Variants in CSRNP3 observed in about 807,000 individuals in gnomAD.
CSRNP3 encodes cysteine and serine rich nuclear protein 3, also known as cysteine/serine-rich nuclear protein 3.
CSRNP3 carries 12 observed loss-of-function variants against 48.0 expected under a neutral mutation model. That is an observed-to-expected ratio of 0.25 (90% CI 0.16 to 0.41). CSRNP3 has a LOEUF of 0.41. Among genes scored for constraint, CSRNP3 ranks in the 10% least tolerant of loss-of-function variants. The pLI, the probability that CSRNP3 is intolerant of heterozygous loss-of-function variation, is 1.00. For synonymous variants in CSRNP3, 263 were observed against 269.7 expected, an observed-to-expected ratio of 0.98 and a Z score of 0.24; for missense variants, 580 against 724.4, an observed-to-expected ratio of 0.80 and a Z score of 2.29.
At chr2:165,608,066 C>T (rs1686060877) in intron 4 of CSRNP3, among the ~76,000 whole-genome samples, 2 of 150,170 alleles carry the variant, frequency 1.3e-5, no homozygotes, top group African/African-American at 4.9e-5. Flanking sequence ...CTATTATTTA[C>T]CCACGTATAT....
At position 165,550,195 on chromosome 2, in the gene CSRNP3, G is replaced by T. The variant is rs529397354; in HGVS notation, c.-24+32234G>T. On this transcript the variant is annotated intron_variant, in intron 3 of 6. Coordinates refer to ENST00000651982, the MANE Select transcript of CSRNP3 (RefSeq NM_001172173.2). Reference sequence around the variant, plus strand: ...TCCATCACATTTTTAAATGACAATGGCAATGCATGAACAAAAAGATTTTAA... The same window carrying T: ...TCCATCACATTTTTAAATGACAATGTCAATGCATGAACAAAAAGATTTTAA... Among the ~76,000 whole-genome samples the T allele has an allele frequency of 2.6e-5, 4 of 152,224 alleles. No homozygotes were observed. The East Asian group carries it at 7.7e-4, about 29-fold the overall frequency.
intron 3 of CSRNP3, among the ~76,000 whole-genome samples, chr2:165,520,765 ATATAT>A (rs1228730783): frequency 3.8e-5 from 2 of 51,954 alleles, no homozygotes; most frequent in Admixed American, 5.3e-4. Flanking sequence ...ATATATAGAA[ATATAT>A]TATATATATA....
At chr2:165,623,710 C>T (rs896513712) in intron 4 of CSRNP3, among the ~76,000 whole-genome samples, 11 of 152,182 alleles carry the variant, frequency 7.2e-5, no homozygotes, top group African/African-American at 2.7e-4. Context: ...CCCTAGGCAG[C>T]AACATCTACA....
chr2:165,609,575 C>T (rs1038362433), intron 4 of CSRNP3, among the ~76,000 whole-genome samples: 1 of 148,454 alleles, frequency 6.7e-6, no homozygotes, highest in Non-Finnish European at 1.5e-5. Context: ...GCCTTATAAG[C>T]TAAAATGAGT....
intron 4 of CSRNP3, among the ~76,000 whole-genome samples, chr2:165,608,520 C>A (rs1686068619): frequency 6.6e-6 from 1 of 152,166 alleles, no homozygotes; most frequent in Non-Finnish European, 1.5e-5. Context: ...AACAGATAGT[C>A]ATCTGATATC....
At chr2:165,658,237 A>C (rs1687039342) in intron 5 of CSRNP3, among the ~76,000 whole-genome samples, 1 of 152,052 alleles carries the variant, frequency 6.6e-6, no homozygotes, top group Non-Finnish European at 1.5e-5. Flanking sequence ...ACCAATATTT[A>C]CTATTGAATA....
intron 5 of CSRNP3, among the ~76,000 whole-genome samples, chr2:165,673,154 T>TTTTTC: frequency 2.7e-5 from 4 of 146,978 alleles, no homozygotes; most frequent in Non-Finnish European, 6.0e-5. Flanking sequence ...TTTTTTTTTT[T>TTTTTC]TGAGACAGGG....
chr2:165,595,490 C>T (rs1421658962), intron 4 of CSRNP3, among the ~76,000 whole-genome samples: 1 of 151,968 alleles, frequency 6.6e-6, no homozygotes, highest in Admixed American at 6.6e-5. Context: ...ACACCTAGTA[C>T]TCTGGGAATA....
At chr2:165,665,408 C>T (rs1344248490) in intron 5 of CSRNP3, among the ~76,000 whole-genome samples, 1 of 152,118 alleles carries the variant, frequency 6.6e-6, no homozygotes, top group African/African-American at 2.4e-5. Context: ...ATAAGAAATT[C>T]TGTCAGAGTG....
intron 4 of CSRNP3, among the ~76,000 whole-genome samples, chr2:165,607,730 T>C (rs1304306218): frequency 6.6e-6 from 1 of 152,154 alleles, no homozygotes; most frequent in Non-Finnish European, 1.5e-5. Flanking sequence ...CCCTAGTGCA[T>C]CAGTTGAACT....
In CSRNP3 at chr2:165,686,545, A is replaced by T. The variant is rs1687634117; in HGVS notation, c.*6792A>T. On this transcript the variant is annotated 3_prime_UTR_variant, in exon 7 of 7. Coordinates refer to ENST00000651982, the MANE Select transcript of CSRNP3 (RefSeq NM_001172173.2). Reference sequence around the variant, plus strand: ...TAAAATCTAAATCTCAATTACCCTAAAGTGGAAAAACCTAAGTATCTAACC... The same window carrying T: ...TAAAATCTAAATCTCAATTACCCTATAGTGGAAAAACCTAAGTATCTAACC... 6.6e-6 allele frequency: 1 copy of T among 152,106 alleles called. No homozygotes were observed. The highest frequency in any genetic ancestry group is 1.5e-5 in the Non-Finnish European group (1 of 67,986). 9.4% of individuals were successfully genotyped at this position (152,106 alleles called of 1,614,324 possible). A position where few individuals can be genotyped will look rare whatever the true frequency, so the allele number is the denominator to read the frequency against.
intron 3 of CSRNP3, among the ~76,000 whole-genome samples, chr2:165,534,360 A>G (rs1456344578): frequency 1.3e-5 from 2 of 151,996 alleles, no homozygotes; most frequent in Non-Finnish European, 2.9e-5. Flanking sequence ...GAAAGTTGCT[A>G]TTGAATGAGT....
At chr2:165,668,846 T>C (rs1210536766) in intron 5 of CSRNP3, among the ~76,000 whole-genome samples, 1 of 152,224 alleles carries the variant, frequency 6.6e-6, no homozygotes, top group African/African-American at 2.4e-5. Context: ...CTACCATTGC[T>C]CTTAAGAATT....
chr2:165,658,369 A>G (rs1687042159), intron 5 of CSRNP3, among the ~76,000 whole-genome samples: 1 of 152,218 alleles, frequency 6.6e-6, no homozygotes, highest in South Asian at 2.1e-4. Context: ...AAAGTGCTAA[A>G]CAAAATAAAA....
chr2:165,617,629 T>C (rs1484062484), intron 4 of CSRNP3, among the ~76,000 whole-genome samples: 2 of 152,186 alleles, frequency 1.3e-5, no homozygotes, highest in Non-Finnish European at 2.9e-5. Flanking sequence ...GCACTAGCAG[T>C]GGTTATAGCA....
At chr2:165,642,050 A>G (rs1686729615) in intron 4 of CSRNP3, among the ~76,000 whole-genome samples, 1 of 151,692 alleles carries the variant, frequency 6.6e-6, no homozygotes, top group Non-Finnish European at 1.5e-5. Context: ...ACAAACATAG[A>G]CTCTTTGGGA....
At chr2:165,622,691 A>T (rs953434025) in intron 4 of CSRNP3, among the ~76,000 whole-genome samples, 1 of 152,226 alleles carries the variant, frequency 6.6e-6, no homozygotes, top group South Asian at 2.1e-4. Flanking sequence ...TAAGAAAGAA[A>T]TGGTAGAAAA....
At chr2:165,541,238 C>G (rs1684953683) in intron 3 of CSRNP3, among the ~76,000 whole-genome samples, 1 of 150,048 alleles carries the variant, frequency 6.7e-6, no homozygotes, top group South Asian at 2.1e-4. Context: ...TTTTTTTAGA[C>G]AGTGAGGAAG....
At chr2:165,593,683 G>A (rs1685761300) in intron 3 of CSRNP3, among the ~76,000 whole-genome samples, 1 of 152,116 alleles carries the variant, frequency 6.6e-6, no homozygotes. Context: ...TAGTGTTAAG[G>A]GTCTTGCTTC....
Sources: allele counts gnomAD v4.1 joint callset (sites outside exome capture counted in the v4.1 genomes callset), GRCh38; gene constraint gnomAD v4.1.1; transcripts MANE v1.5; gene names NCBI Gene and HGNC (gene_info 2026-07-23, HGNC 2026-07-21).